Variants in HCN1 observed in about 807,000 individuals in gnomAD.
HCN1 encodes hyperpolarization activated cyclic nucleotide gated potassium channel 1, also known as potassium/sodium hyperpolarization-activated cyclic nucleotide-gated channel 1.
Under a neutral mutation model 78.9 loss-of-function variants are expected in HCN1, and 13 were observed. That is an observed-to-expected ratio of 0.16 (90% CI 0.11 to 0.26). HCN1 has a LOEUF of 0.26. Ranked by LOEUF, HCN1 falls within the 10% of genes least tolerant of loss-of-function variation. HCN1 has a pLI of 1.00. For missense variants in HCN1, 810 were observed against 1,154.3 expected (o/e 0.70, Z 4.32); for synonymous variants, 552 against 455.5 (o/e 1.21, Z -2.70).
At chr5:45,421,205 G>A (rs1740220171) in intron 3 of HCN1, among the ~76,000 whole-genome samples, 3 of 152,182 alleles carry the variant, frequency 2.0e-5, no homozygotes, top group Admixed American at 6.5e-5. Context: ...TGGGACTACA[G>A]GCGCCAGCCA....
chr5:45,607,052 A>G (rs1744738603), intron 2 of HCN1, among the ~76,000 whole-genome samples: 1 of 151,828 alleles, frequency 6.6e-6, no homozygotes, highest in African/African-American at 2.4e-5. Flanking sequence ...TAGGTATTAA[A>G]ATTACCATAT....
rs569979510 is a variant in HCN1 at position 45,378,244 on chromosome 5, C to G, written c.1230+18248G>C. On this transcript the variant is annotated intron_variant, in intron 4 of 7. Transcript: ENST00000303230. ...TAATGCGTAATCTTTGTCATTATCCCTCATCAACCCTACCATTCAGCATGT... is the reference window on the plus strand; with the variant it reads ...TAATGCGTAATCTTTGTCATTATCCGTCATCAACCCTACCATTCAGCATGT... 2.6e-4 allele frequency among the ~76,000 whole-genome samples: 39 copies of G among 152,132 alleles called. No individual in the cohort carries two copies. The South Asian group carries it at 7.0e-3, about 27-fold the overall frequency.
At chr5:45,560,678 T>C (rs1020734140) in intron 2 of HCN1, among the ~76,000 whole-genome samples, 3 of 152,092 alleles carry the variant, frequency 2.0e-5, no homozygotes, top group African/African-American at 7.2e-5. Context: ...AAACAATGTG[T>C]TTATATTCAT....
At chr5:45,553,017 A>C (rs1431844533) in intron 2 of HCN1, among the ~76,000 whole-genome samples, 1 of 151,980 alleles carries the variant, frequency 6.6e-6, no homozygotes, top group East Asian at 1.9e-4. Flanking sequence ...TGATTACTTC[A>C]AACTCAGAGC....
rs1206708558 is a variant in HCN1 at position 45,261,494 on chromosome 5, TG to T, written c.*426del. ...AATTTAGATGCAGAGACACAGCTAA[TG>T]AAAGAAAGTTTTGATTGGTGCTATT... On this transcript the variant is annotated 3_prime_UTR_variant, in exon 8 of 8. Coordinates refer to ENST00000303230, the MANE Select transcript of HCN1 (RefSeq NM_021072.4). 1.3e-5 allele frequency: 2 copies of T among 155,612 alleles called. No individual in the cohort carries two copies. The highest frequency in any genetic ancestry group is 3.8e-4 in the East Asian group (2 of 5,282). The allele number at this position is 155,612 out of a possible 1,614,324, so 9.6% of individuals were successfully genotyped here. A position where few individuals can be genotyped will look rare whatever the true frequency, so the allele number is the denominator to read the frequency against.
chr5:45,301,064 C>T (rs2111900597), intron 6 of HCN1, among the ~76,000 whole-genome samples: 1 of 151,940 alleles, frequency 6.6e-6, no homozygotes, highest in South Asian at 2.1e-4. Flanking sequence ...GGGTTATAAC[C>T]TCATGGTTAT....
chr5:45,311,562 G>T (rs1289234991), intron 5 of HCN1, among the ~76,000 whole-genome samples: 1 of 152,144 alleles, frequency 6.6e-6, no homozygotes, highest in African/African-American at 2.4e-5. Flanking sequence ...TAAGTTAAAT[G>T]ATATTAAGTT....
Position 45,469,738 on chromosome 5 carries a change from G to A in HCN1, c.850-7731C>T, listed in dbSNP as rs377286518. Among the ~76,000 whole-genome samples, 26 of 151,584 alleles carry A rather than the reference G, an allele frequency of 1.7e-4. No individual in the cohort carries two copies. In the South Asian group the frequency reaches 5.4e-3, roughly 32 times the overall value. Reference sequence around the variant, plus strand: ...AAGGCAGTGTTCTTTTCATTGTGTAGTTCTTACACATTAAAAAGAATAATT... The same window carrying A: ...AAGGCAGTGTTCTTTTCATTGTGTAATTCTTACACATTAAAAAGAATAATT... On this transcript the variant is annotated intron_variant, in intron 2 of 7. Coordinates refer to ENST00000303230, the MANE Select transcript of HCN1 (RefSeq NM_021072.4).
At chr5:45,346,711 T>C (rs954739302) in intron 5 of HCN1, among the ~76,000 whole-genome samples, 46 of 152,318 alleles carry the variant, frequency 3.0e-4, no homozygotes, top group African/African-American at 1.0e-3. Flanking sequence ...CAGGAGATTA[T>C]ATCCTGCACC....
At chr5:45,432,276 T>G (rs931952345) in intron 3 of HCN1, among the ~76,000 whole-genome samples, 1 of 152,180 alleles carries the variant, frequency 6.6e-6, no homozygotes, top group East Asian at 1.9e-4. Context: ...TTTTGTACAC[T>G]GATTTTGTAT....
intron 6 of HCN1, among the ~76,000 whole-genome samples, chr5:45,268,342 A>G (rs982919358): frequency 6.6e-6 from 1 of 152,216 alleles, no homozygotes; most frequent in Non-Finnish European, 1.5e-5. Context: ...GAACTACTGT[A>G]GGCTTTGATT....
At chr5:45,400,862 C>T (rs1739782269) in intron 3 of HCN1, among the ~76,000 whole-genome samples, 1 of 152,144 alleles carries the variant, frequency 6.6e-6, no homozygotes, top group Non-Finnish European at 1.5e-5. Flanking sequence ...CACACATGCA[C>T]ATACACAAAT....
chr5:45,315,271 C>T (rs541625024), intron 5 of HCN1, among the ~76,000 whole-genome samples: 9 of 152,214 alleles, frequency 5.9e-5, no homozygotes, highest in East Asian at 1.9e-4. Flanking sequence ...CATTCAAAAC[C>T]GCTCAACTAC....
intron 2 of HCN1, among the ~76,000 whole-genome samples, chr5:45,540,558 G>T (rs1313852267): frequency 6.6e-6 from 1 of 152,044 alleles, no homozygotes; most frequent in Non-Finnish European, 1.5e-5. Flanking sequence ...TTGAACTTCT[G>T]TACTCAAGGG....
intron 1 of HCN1, among the ~76,000 whole-genome samples, chr5:45,649,685 G>C (rs887627274): frequency 6.6e-6 from 1 of 151,598 alleles, no homozygotes; most frequent in Non-Finnish European, 1.5e-5. Context: ...ACTGATTCAA[G>C]TTATTTAAAG....
intron 5 of HCN1, among the ~76,000 whole-genome samples, chr5:45,327,514 C>T (rs967661403): frequency 6.6e-6 from 1 of 151,662 alleles, no homozygotes; most frequent in East Asian, 1.9e-4. Context: ...GTCCTAAAAT[C>T]AGGCAAGAGT....
At chr5:45,373,143 T>C (rs1366182861) in intron 4 of HCN1, among the ~76,000 whole-genome samples, 3 of 124,738 alleles carry the variant, frequency 2.4e-5, no homozygotes, top group Non-Finnish European at 4.8e-5. Context: ...ATATAGTATA[T>C]AATATATATA....
Position 45,303,495 on chromosome 5 carries a change from T to C in HCN1, c.1618+104A>G. Reference sequence around the variant, plus strand: ...TTTTATCAGAATTCACATACAGGTTTACATTCAAAACCAAAAAACTGACAT... The same window carrying C: ...TTTTATCAGAATTCACATACAGGTTCACATTCAAAACCAAAAAACTGACAT... On this transcript the variant is annotated intron_variant, in intron 6 of 7. Transcript: ENST00000303230. 2.6e-6 allele frequency: 3 copies of C among 1,140,322 alleles called. No individual in the cohort carries two copies. The South Asian group carries it at 3.8e-5, about 14-fold the overall frequency. The allele number at this position is 1,140,322 out of a possible 1,614,324, so 70.6% of individuals were successfully genotyped here.
At chr5:45,553,326 A>C (rs1743407742) in intron 2 of HCN1, among the ~76,000 whole-genome samples, 1 of 151,780 alleles carries the variant, frequency 6.6e-6, no homozygotes, top group African/African-American at 2.4e-5. Flanking sequence ...TTTTCCCCTA[A>C]GAAAAGGGTA....
Sources: allele counts gnomAD v4.1 joint callset (sites outside exome capture counted in the v4.1 genomes callset), GRCh38; gene constraint gnomAD v4.1.1; transcripts MANE v1.5; gene names NCBI Gene and HGNC (gene_info 2026-07-23, HGNC 2026-07-21).